Variants in SFI1 observed in about 807,000 individuals in gnomAD.
SFI1 encodes protein SFI1 homolog.
In SFI1, 195 loss-of-function variants were observed where a neutral mutation model predicts 207.5. The observed-to-expected ratio is 0.94, with a 90% CI of 0.84 to 1.06. SFI1 has a LOEUF of 1.06. Ranked by LOEUF, SFI1 falls within the 50% of genes least tolerant of loss-of-function variation. The pLI is 0.00. For missense variants in SFI1, 1,634 were observed against 1,588.0 expected (o/e 1.03, Z -0.49); for synonymous variants, 630 against 598.9 (o/e 1.05, Z -0.76).
intron 10 of SFI1, chr22:31,578,132 G>C (rs1035234875): frequency 9.6e-6 from 3 of 313,816 alleles, no homozygotes; most frequent in Non-Finnish European, 1.7e-5. Flanking sequence ...TTTATCTCAG[G>C]TATTTTTTGC....
intron 23 of SFI1, 55 bp from the exon 24 acceptor site, chr22:31,611,711 C>T (rs2070173434): frequency 2.6e-6 from 4 of 1,556,188 alleles, no homozygotes; most frequent in South Asian, 1.1e-5. Context: ...GGACCCACCC[C>T]AGGCTGTCTA....
intron 6 of SFI1, among the ~76,000 whole-genome samples, chr22:31,551,231 G>C (rs534115310): frequency 5.9e-5 from 9 of 152,008 alleles, no homozygotes; most frequent in Non-Finnish European, 1.2e-4. Context: ...ACTCCTTTAC[G>C]TAAAGTTAAC....
chr22:31,572,521 T>A (rs2063059982), intron 8 of SFI1, among the ~76,000 whole-genome samples: 1 of 152,022 alleles, frequency 6.6e-6, no homozygotes, highest in Non-Finnish European at 1.5e-5. Flanking sequence ...TGTTTTTGTT[T>A]TGAGTTGGTC....
chr22:31,559,420 C>T, intron 7 of SFI1: 1 of 369,136 alleles, frequency 2.7e-6, no homozygotes, highest in Non-Finnish European at 5.2e-6. Context: ...GAGACTCTGT[C>T]TCGAAAAAAT....
chr22:31,589,329 C>A, intron 14 of SFI1, 118 bp from the exon 15 acceptor site: 1 of 992,252 alleles, frequency 1.0e-6, no homozygotes, highest in Non-Finnish European at 1.4e-6. Context: ...AATAATGATT[C>A]ATCTTTTTCT....
chr22:31,517,791 C>G (rs572444931), intron 2 of SFI1, among the ~76,000 whole-genome samples: 1 of 152,088 alleles, frequency 6.6e-6, no homozygotes, highest in Non-Finnish European at 1.5e-5. Flanking sequence ...CTTGTTCCTT[C>G]GGTCAATTTG....
At chr22:31,567,649 G>T (rs964013754) in intron 8 of SFI1, among the ~76,000 whole-genome samples, 8 of 151,918 alleles carry the variant, frequency 5.3e-5, no homozygotes, top group Middle Eastern at 3.2e-3. Context: ...ACCAAAAAAT[G>T]GTTACCTATA....
At chr22:31,564,302 G>A (rs1424736853) in intron 8 of SFI1, among the ~76,000 whole-genome samples, 1 of 149,284 alleles carries the variant, frequency 6.7e-6, no homozygotes, top group Non-Finnish European at 1.5e-5. Flanking sequence ...ACTCCAGCCT[G>A]GGCGACAGAG....
chr22:31,547,043 A>G, intron 5 of SFI1, 72 bp downstream of exon 5: 2 of 1,189,838 alleles, frequency 1.7e-6, no homozygotes, highest in Non-Finnish European at 2.4e-6. Flanking sequence ...TGGCGTGTTT[A>G]TGGTCAAAAG....
At chr22:31,548,684 C>T (rs1169701555) in intron 5 of SFI1, among the ~76,000 whole-genome samples, 1 of 151,582 alleles carries the variant, frequency 6.6e-6, no homozygotes, top group Non-Finnish European at 1.5e-5. Context: ...TGGCATGTGC[C>T]TGTAGTCCCA....
intron 24 of SFI1, 193 bp downstream of exon 24, chr22:31,612,033 A>G: frequency 3.6e-6 from 5 of 1,385,580 alleles, no homozygotes; most frequent in Non-Finnish European, 4.7e-6. Context: ...AGTCTGCATA[A>G]GAACAGTTAC....
At chr22:31,560,540 T>C (rs1215928102) in intron 7 of SFI1, among the ~76,000 whole-genome samples, 1 of 151,420 alleles carries the variant, frequency 6.6e-6, no homozygotes, top group African/African-American at 2.4e-5. Flanking sequence ...TAGCAGGGAT[T>C]ACAGGCACAC....
chr22:31,507,118 A>G (rs1361912827), intron 1 of SFI1, among the ~76,000 whole-genome samples: 2 of 152,228 alleles, frequency 1.3e-5, no homozygotes, highest in African/African-American at 4.8e-5. Flanking sequence ...CTGCGAGGTT[A>G]CAGTAACAAA....
At chr22:31,606,207 C>T in intron 20 of SFI1, 121 bp from the exon 21 acceptor site, 1 of 820,952 alleles carries the variant, frequency 1.2e-6, no homozygotes, top group Non-Finnish European at 2.0e-6. Flanking sequence ...GTGAAACAGA[C>T]ATTCTTAGGT....
chr22:31,547,676 A>G (rs1159493313), intron 5 of SFI1, among the ~76,000 whole-genome samples: 8 of 145,444 alleles, frequency 5.5e-5, no homozygotes, highest in Non-Finnish European at 3.0e-5. Context: ...CTGGAGTGCA[A>G]TGGCGCCATC....
At chr22:31,553,846 T>TG (rs2060888289) in intron 6 of SFI1, among the ~76,000 whole-genome samples, 2 of 87,334 alleles carry the variant, frequency 2.3e-5, no homozygotes, top group Non-Finnish European at 4.7e-5. Context: ...ATGTTTTTTT[T>TG]TTTTTTTTTT....
chr22:31,546,437 TCTC>T (rs1459264047), intron 4 of SFI1, among the ~76,000 whole-genome samples: 1 of 151,666 alleles, frequency 6.6e-6, no homozygotes, highest in East Asian at 1.9e-4. Context: ...TTCAAGCAAT[TCTC>T]CTGCCTCAGC....
At chr22:31,594,010 G>GGCAGAGGCAGGGGC (rs1446565868) in intron 15 of SFI1, among the ~76,000 whole-genome samples, 82 of 145,820 alleles carry the variant, frequency 5.6e-4, no homozygotes, top group South Asian at 1.3e-3. Context: ...GAGGGACAGG[G>GGCAGAGGCAGGGGC]AGAGGGAGAG....
At position 31,550,279 on chromosome 22, in the gene SFI1, C is replaced by A; in HGVS notation, c.475C>A (p.Gln159Lys). Residue 159 changes from glutamine to lysine, a missense_variant, in exon 6 of 33, where the codon CAG (glutamine) becomes AAG (lysine). Coordinates refer to ENST00000400288, the MANE Select transcript of SFI1 (RefSeq NM_001007467.3). ...YRYYLYNLMFQTWKTYVRQQQ... is the reference protein window; with the variant it reads ...YRYYLYNLMFKTWKTYVRQQQ... Reference sequence around the variant, plus strand: ...GTATTACCTGTACAACCTGATGTTCCAGACGTGGAAGACCTATGTGCGTCA... The same window carrying A: ...GTATTACCTGTACAACCTGATGTTCAAGACGTGGAAGACCTATGTGCGTCA... The A allele has an allele frequency of 6.2e-7, 1 of 1,614,020 alleles. No homozygotes were observed. The highest frequency in any genetic ancestry group is 8.5e-7 in the Non-Finnish European group (1 of 1,179,990).
Sources: allele counts gnomAD v4.1 joint callset (sites outside exome capture counted in the v4.1 genomes callset), GRCh38; gene constraint gnomAD v4.1.1; transcripts MANE v1.5; gene names NCBI Gene and HGNC (gene_info 2026-07-23, HGNC 2026-07-21).